Variants in PDE10A observed in about 807,000 individuals in gnomAD.
PDE10A encodes the protein cAMP and cAMP-inhibited cGMP 3',5'-cyclic phosphodiesterase 10A.
A neutral mutation model predicts 97.7 loss-of-function variants in PDE10A; 39 were observed. The ratio of observed to expected loss-of-function variants is 0.40; its 90% CI spans 0.31 to 0.52. The LOEUF is 0.52. Among genes scored for constraint, PDE10A ranks in the 20% least tolerant of loss-of-function variants. The pLI is 0.56. For missense variants in PDE10A, 731 were observed against 1,047.8 expected, an observed-to-expected ratio of 0.70 and a Z score of 4.17; for synonymous variants, 371 against 376.8, an observed-to-expected ratio of 0.98 and a Z score of 0.18.
chr6:165,608,651 G>A (rs923203035), intron 1 of PDE10A, among the ~76,000 whole-genome samples: 1 of 151,992 alleles, frequency 6.6e-6, no homozygotes, highest in African/African-American at 2.4e-5. Flanking sequence ...TGGGTCAAAT[G>A]GTATTTCTAG....
At chr6:165,377,130 T>C (rs1784653462) in intron 18 of PDE10A, among the ~76,000 whole-genome samples, 1 of 152,206 alleles carries the variant, frequency 6.6e-6, no homozygotes, top group Admixed American at 6.5e-5. Context: ...TGTTATTGCA[T>C]ACTTAGTAGA....
rs1314782112 is a variant in PDE10A, at chr6:165,749,209, C to CACCACCACCATTATT, written c.-614-205642_-614-205641insAATAATGGTGGTGGT. Among the ~76,000 whole-genome samples, 5 of 139,458 alleles carry CACCACCACCATTATT rather than the reference C, an allele frequency of 3.6e-5. 1 individual carries two copies. The highest frequency in any genetic ancestry group is 8.1e-5 in the African/African-American group (3 of 36,958). The allele number at this position is 139,458 out of a possible 152,430, so 91.5% of individuals were successfully genotyped here. On this transcript the variant is annotated intron_variant, in intron 1 of 19. Coordinates refer to the PDE10A transcript ENST00000366882. ...TCACTGTCATCACCATCACCATCATCACCATCACCATCATATCACCATCAC... is the reference window on the plus strand; with the variant it reads ...TCACTGTCATCACCATCACCATCATCACCACCACCATTATTACCATCACCATCATATCACCATCAC...
chr6:165,808,520 A>G (rs146408771), intron 1 of PDE10A, among the ~76,000 whole-genome samples: 142 of 152,336 alleles, frequency 9.3e-4, no homozygotes, highest in African/African-American at 3.2e-3. Flanking sequence ...TTCTCTGGAA[A>G]ATGCAGAAAG....
chr6:165,542,679 C>T (rs1159514655), intron 2 of PDE10A, among the ~76,000 whole-genome samples: 8 of 130,144 alleles, frequency 6.1e-5, no homozygotes, highest in African/African-American at 1.5e-4. Flanking sequence ...AGTGCAGTGG[C>T]GCGATCTCGG....
chr6:165,330,198 C>T lies in PDE10A; in HGVS notation c.*2827G>A, dbSNP rs9459368. ...TTGAATATCCTACATATGCTCATAGCGGGTTACTAAATTTATACTGGGTGG... is the reference window on the plus strand; with the variant it reads ...TTGAATATCCTACATATGCTCATAGTGGGTTACTAAATTTATACTGGGTGG... On this transcript the variant is annotated 3_prime_UTR_variant, in exon 22 of 22. Transcript: ENST00000539869. The T allele has an allele frequency of 0.079, 12,046 of 152,156 alleles. 545 individuals carry two copies. Among genetic ancestry groups the T allele is most frequent in the Middle Eastern group, 0.2 (60 of 294 alleles). The allele number at this position is 152,156 out of a possible 1,614,324, so 9.4% of individuals were successfully genotyped here.
intron 2 of PDE10A, among the ~76,000 whole-genome samples, chr6:165,518,092 C>G (rs12661723): frequency 0.17 from 25,902 of 152,108 alleles, 2,409 homozygotes; most frequent in Admixed American, 0.27. Flanking sequence ...AAAGCCTGAA[C>G]AAAATATTTT....
intron 13 of PDE10A, among the ~76,000 whole-genome samples, chr6:165,412,189 T>G (rs1787910135): frequency 6.6e-6 from 1 of 152,130 alleles, no homozygotes; most frequent in Non-Finnish European, 1.5e-5. Context: ...AGAAATTATC[T>G]TAGGGTAATT....
intron 19 of PDE10A, among the ~76,000 whole-genome samples, chr6:165,341,489 T>A (rs921462394): frequency 9.9e-5 from 15 of 152,188 alleles, no homozygotes; most frequent in African/African-American, 3.6e-4. Context: ...AAAACGTGCA[T>A]TTTTAGTATG....
intron 2 of PDE10A, among the ~76,000 whole-genome samples, chr6:165,540,459 T>C (rs1783365284): frequency 2.0e-5 from 3 of 152,174 alleles, no homozygotes; most frequent in African/African-American, 7.2e-5. Flanking sequence ...TTAGATAGGC[T>C]TGTCTCATTT....
At chr6:165,739,709 T>C (rs539109990) in intron 1 of PDE10A, among the ~76,000 whole-genome samples, 35 of 152,148 alleles carry the variant, frequency 2.3e-4, no homozygotes, top group African/African-American at 7.9e-4. Context: ...GTGAAAATAA[T>C]TGCAAACCAT....
chr6:165,589,033 G>A (rs1786091377), intron 1 of PDE10A, among the ~76,000 whole-genome samples: 1 of 152,086 alleles, frequency 6.6e-6, no homozygotes, highest in Non-Finnish European at 1.5e-5. Context: ...ATCAGCCATG[G>A]CCACAAAACT....
chr6:165,409,888 GTTTT>G (rs58019647), intron 13 of PDE10A, among the ~76,000 whole-genome samples: 1 of 140,518 alleles, frequency 7.1e-6, no homozygotes. Context: ...CTTTTCAGAA[GTTTT>G]TTTTTTTTTT....
At chr6:165,869,499 G>C (rs747218923) in intron 1 of PDE10A, among the ~76,000 whole-genome samples, 7 of 152,072 alleles carry the variant, frequency 4.6e-5, no homozygotes, top group Admixed American at 4.6e-4. Context: ...AAGAATTAAT[G>C]TTGTTAAAAT....
intron 10 of PDE10A, among the ~76,000 whole-genome samples, chr6:165,420,955 C>G (rs1234862601): frequency 6.6e-6 from 1 of 152,070 alleles, no homozygotes; most frequent in Non-Finnish European, 1.5e-5. Flanking sequence ...CACAGATTTA[C>G]TTTTGAAACA....
intron 1 of PDE10A, among the ~76,000 whole-genome samples, chr6:165,609,147 CA>C (rs1172649276): frequency 6.6e-6 from 1 of 152,050 alleles, no homozygotes; most frequent in African/African-American, 2.4e-5. Flanking sequence ...CTTTTGTTGC[CA>C]TTGCTTTTGG....
chr6:165,987,640 G>A (rs1170649466), exon 1 of PDE10A: 9 of 441,676 alleles, frequency 2.0e-5, no homozygotes, highest in Middle Eastern at 3.3e-4. Flanking sequence ...GGCGCCGGGA[G>A]CACAGTGGGT....
At chr6:165,672,836 G>A (rs9348029) in intron 1 of PDE10A, among the ~76,000 whole-genome samples, 64,659 of 152,050 alleles carry the variant, frequency 0.43, 14,161 homozygotes, top group African/African-American at 0.5. Context: ...ATGGGTACTC[G>A]AAGAACGGTT....
At chr6:165,795,459 C>T (rs1383574043) in intron 1 of PDE10A, among the ~76,000 whole-genome samples, 1 of 152,124 alleles carries the variant, frequency 6.6e-6, no homozygotes, top group Non-Finnish European at 1.5e-5. Context: ...GGCGCGGTGG[C>T]TCATACCTGT....
At chr6:165,805,043 C>T (rs1779094683) in intron 1 of PDE10A, among the ~76,000 whole-genome samples, 1 of 139,292 alleles carries the variant, frequency 7.2e-6, no homozygotes, top group Non-Finnish European at 1.5e-5. Context: ...AGCACAGGGG[C>T]GCACGGAGAG....
Sources: allele counts gnomAD v4.1 joint callset (sites outside exome capture counted in the v4.1 genomes callset), GRCh38; gene constraint gnomAD v4.1.1; transcripts MANE v1.5; gene names NCBI Gene and HGNC (gene_info 2026-07-23, HGNC 2026-07-21).